Variants in SGCD observed in about 807,000 individuals in gnomAD.
SGCD encodes delta-sarcoglycan.
Under a neutral mutation model 36.6 loss-of-function variants are expected in SGCD, and 18 were observed. The ratio of observed to expected loss-of-function variants is 0.49; its 90% CI spans 0.34 to 0.73. SGCD has a LOEUF of 0.73. SGCD is among the 30% of genes least tolerant of loss of function. The pLI, the probability that SGCD is intolerant of heterozygous loss-of-function variation, is 0.01. For missense variants in SGCD, 387 were observed against 346.7 expected, an observed-to-expected ratio of 1.12 and a Z score of -0.92; for synonymous variants, 133 against 130.6, an observed-to-expected ratio of 1.02 and a Z score of -0.12.
At chr5:156,692,637 T>C (rs978639501) in intron 7 of SGCD, among the ~76,000 whole-genome samples, 2 of 152,218 alleles carry the variant, frequency 1.3e-5, no homozygotes, top group African/African-American at 2.4e-5. Flanking sequence ...ACAGACATCA[T>C]AGCATTCACA....
intron 3 of SGCD, among the ~76,000 whole-genome samples, chr5:156,265,790 T>C (rs116747806): frequency 0.013 from 1,949 of 152,158 alleles, 15 homozygotes; most frequent in Non-Finnish European, 0.021. Flanking sequence ...ATAAGAAGTA[T>C]ACAGAAGAGC....
the SGCD span, among the ~76,000 whole-genome samples, chr5:155,863,939 G>A: frequency 6.6e-6 from 1 of 152,024 alleles, no homozygotes; most frequent in African/African-American, 2.4e-5. Flanking sequence ...TTCAGTAGGG[G>A]GGACAGACAA....
intron 1 of SGCD, among the ~76,000 whole-genome samples, chr5:156,068,427 CCATGTCCCTACAAAGGA>C (rs1760408531): frequency 6.6e-6 from 1 of 152,080 alleles, no homozygotes; most frequent in Non-Finnish European, 1.5e-5. Flanking sequence ...CCAATTTCAT[CCATGTCCCTACAAAGGA>C]CATGAACTCC....
At chr5:156,279,667 C>T (rs1459180679) in intron 3 of SGCD, among the ~76,000 whole-genome samples, 3 of 152,022 alleles carry the variant, frequency 2.0e-5, no homozygotes, top group Non-Finnish European at 4.4e-5. Flanking sequence ...GAAGTATCCT[C>T]GAGGCATTTT....
At chr5:156,343,044 C>CT (rs1768747836) in intron 2 of SGCD, among the ~76,000 whole-genome samples, 1 of 151,984 alleles carries the variant, frequency 6.6e-6, no homozygotes. Context: ...CCACTGATGC[C>CT]TAACGGCCAT....
chr5:156,502,038 CT>C (rs34669004), intron 3 of SGCD, among the ~76,000 whole-genome samples: 4,290 of 140,928 alleles, frequency 0.03, 98 homozygotes, highest in African/African-American at 0.088. Context: ...GATATTCTCT[CT>C]TTTTTTTTTT....
chr5:156,053,438 G>A (rs1200945748), intron 1 of SGCD, among the ~76,000 whole-genome samples: 2 of 146,320 alleles, frequency 1.4e-5, no homozygotes. Context: ...GTGAGAGGCA[G>A]GACTACATGT....
intron 3 of SGCD, among the ~76,000 whole-genome samples, chr5:156,234,960 T>C (rs1171416823): frequency 1.3e-5 from 2 of 152,178 alleles, no homozygotes; most frequent in Non-Finnish European, 2.9e-5. Context: ...CCCTAACTGA[T>C]ACAAGGGAAG....
chr5:155,742,040 C>T, the SGCD span, among the ~76,000 whole-genome samples: 2 of 152,070 alleles, frequency 1.3e-5, no homozygotes, highest in Non-Finnish European at 2.9e-5. Context: ...GAAGAGGGCT[C>T]CATTCAGTTG....
intron 3 of SGCD, among the ~76,000 whole-genome samples, chr5:156,276,538 G>A (rs1010061670): frequency 6.6e-6 from 1 of 152,056 alleles, no homozygotes; most frequent in Non-Finnish European, 1.5e-5. Context: ...TCCCATGTAC[G>A]ACATGTGCCT....
At chr5:155,794,754 A>G in the SGCD span, among the ~76,000 whole-genome samples, 2 of 152,162 alleles carry the variant, frequency 1.3e-5, no homozygotes, top group Non-Finnish European at 2.9e-5. Flanking sequence ...TGGCAGAATC[A>G]ATATTCAAAG....
At chr5:156,417,082 T>A (rs56080483) in intron 3 of SGCD, among the ~76,000 whole-genome samples, 4,013 of 152,258 alleles carry the variant, frequency 0.026, 70 homozygotes, top group African/African-American at 0.042. Flanking sequence ...ATGCTTTTTT[T>A]AAAAAAATCT....
chr5:156,194,891 C>T (rs1308491916), intron 3 of SGCD, among the ~76,000 whole-genome samples: 1 of 151,788 alleles, frequency 6.6e-6, no homozygotes, highest in Non-Finnish European at 1.5e-5. Context: ...ACAATAAAGC[C>T]AGGTATGTAT....
At chr5:155,874,100 CT>C (rs1056132076) in intron 1 of SGCD, among the ~76,000 whole-genome samples, 16 of 151,976 alleles carry the variant, frequency 1.1e-4, no homozygotes, top group African/African-American at 3.9e-4. Context: ...CAATGTTGCA[CT>C]TTTTCCCCCT....
chr5:156,147,535 G>A (rs564476367), intron 3 of SGCD, among the ~76,000 whole-genome samples: 10 of 152,134 alleles, frequency 6.6e-5, no homozygotes, highest in African/African-American at 1.2e-4. Context: ...ATCACTCCCC[G>A]ACTAGAAAGC....
chr5:156,698,555 G>A, intron 7 of SGCD, among the ~76,000 whole-genome samples: 1 of 152,216 alleles, frequency 6.6e-6, no homozygotes, highest in South Asian at 2.1e-4. Flanking sequence ...ATTCTGAACA[G>A]ATGGTATTCG....
chr5:156,402,151 T>C (rs1226449431), intron 3 of SGCD, among the ~76,000 whole-genome samples: 1 of 152,244 alleles, frequency 6.6e-6, no homozygotes, highest in Non-Finnish European at 1.5e-5. Context: ...CAACATTTTG[T>C]TTATCCTTTC....
chr5:156,753,769 G>C (rs1210665552), intron 7 of SGCD, among the ~76,000 whole-genome samples: 1 of 152,120 alleles, frequency 6.6e-6, no homozygotes, highest in Non-Finnish European at 1.5e-5. Flanking sequence ...ACCATCATGA[G>C]AACAGCATGG....
rs369960835 is a variant in SGCD at position 156,201,828 on chromosome 5, G to T, written c.-44+77809G>T. Among the ~76,000 whole-genome samples, 51 of 151,892 alleles carry T rather than the reference G, an allele frequency of 3.4e-4. No individual in the cohort carries two copies. In the South Asian group the frequency reaches 9.4e-3, roughly 28 times the overall value. ...ACATTTGAAAGAATGCTGAGTTTTT[G>T]ATCTTGTCAGGACTGAAAGTGCTTT... On this transcript the variant is annotated intron_variant, in intron 3 of 9. Transcript: ENST00000517913.
Sources: allele counts gnomAD v4.1 joint callset (sites outside exome capture counted in the v4.1 genomes callset), GRCh38; gene constraint gnomAD v4.1.1; transcripts MANE v1.5; gene names NCBI Gene and HGNC (gene_info 2026-07-23, HGNC 2026-07-21).